RIF1: variants seen among roughly 807,000 people sequenced by gnomAD.
The protein encoded by RIF1 is telomere-associated protein RIF1.
In RIF1, 45 loss-of-function variants were observed where a neutral mutation model predicts 247.1. The ratio of observed to expected loss-of-function variants is 0.18; its 90% confidence interval spans 0.14 to 0.23. The LOEUF is 0.23. RIF1 is among the 10% of genes least tolerant of loss of function. RIF1 has a pLI of 1.00. For synonymous variants in RIF1, 1,087 were observed against 978.8 expected, an observed-to-expected ratio of 1.11 and a Z score of -2.06; for missense variants, 2,967 against 2,862.5, an observed-to-expected ratio of 1.04 and a Z score of -0.83.
intron 9 of RIF1, among the ~76,000 whole-genome samples, chr2:151,494,474 A>G (rs185065542): frequency 6.6e-6 from 1 of 152,272 alleles, no homozygotes; most frequent in East Asian, 1.9e-4. Flanking sequence ...GGACTGCAAG[A>G]GAGACCTGTG....
chr2:151,441,961 A>G lies in RIF1; in HGVS notation c.1704A>G (p.Ala568=), dbSNP rs1213634742. 9 of 1,561,148 alleles carry G rather than the reference A, an allele frequency of 5.8e-6. No homozygotes were observed. The highest frequency in any genetic ancestry group is 7.8e-6 in the Non-Finnish European group (9 of 1,147,302). The change falls in exon 16 of 36, where the codon GCA becomes GCG. Residue 568 remains alanine, a synonymous_variant. Coordinates refer to ENST00000444746, the MANE Select transcript of RIF1 (RefSeq NM_018151.5). The stretch of plus-strand genomic sequence containing the variant: ...CTCAGAAAGTATTAGGTTCACCAGC[A>G]TATCAGGTTGCTAATATGGATATTC... The part of the protein sequence containing the change: ...GLPQKVLGSP[A]YQVANMDILN...
intron 20 of RIF1, among the ~76,000 whole-genome samples, chr2:151,448,730 C>A (rs1693751055): frequency 6.6e-6 from 1 of 152,056 alleles, no homozygotes. Flanking sequence ...TATTTCTGTA[C>A]TTTATTATGT....
chr2:151,483,937 A>G (rs1220287136), downstream of RIF1, among the ~76,000 whole-genome samples: 1 of 152,246 alleles, frequency 6.6e-6, no homozygotes, highest in Non-Finnish European at 1.5e-5. Flanking sequence ...TGTCTTCCAC[A>G]AAACTGGTCC....
intron 13 of RIF1, 29 bp downstream of exon 13, chr2:151,437,380 A>G: frequency 6.5e-7 from 1 of 1,540,820 alleles, no homozygotes; most frequent in Admixed American, 1.7e-5. Flanking sequence ...TTATTTGCTC[A>G]AATGTGTGTT....
At chr2:151,497,058 A>AAAAC (rs760584399) in intron 10 of RIF1, 37 of 1,552,484 alleles carry the variant, frequency 2.4e-5, no homozygotes, top group African/African-American at 2.7e-5. Context: ...AGCAACCAGA[A>AAAAC]AAACAACCAT....
At chr2:151,430,398 T>C (rs186049274) in intron 9 of RIF1, among the ~76,000 whole-genome samples, 11 of 151,878 alleles carry the variant, frequency 7.2e-5, no homozygotes, top group African/African-American at 2.7e-4. Flanking sequence ...CTCAGCTCAC[T>C]GCAACCTCCG....
the RIF1 span, among the ~76,000 whole-genome samples, chr2:151,517,524 G>T: frequency 2.7e-4 from 41 of 152,280 alleles, no homozygotes; most frequent in African/African-American, 9.9e-4. Context: ...GTCATGAATT[G>T]CTTAACAACT....
In RIF1 at chr2:151,465,376, T is replaced by C. The variant is rs756019996; in HGVS notation, c.5856T>C (p.Ser1952=). 8.1e-5 allele frequency: 130 copies of C among 1,613,634 alleles called. 2 individuals carry two copies. Among genetic ancestry groups the C allele is most frequent in the Admixed American group, 1.0e-4 (6 of 59,940 alleles). Residue 1952 remains serine (S), a synonymous_variant, in exon 30 of 36, where the codon TCT becomes TCC. Coordinates refer to ENST00000444746, the MANE Select transcript of RIF1 (RefSeq NM_018151.5). The stretch of plus-strand genomic sequence containing the variant: ...AAGAAAATAAAAGAAATGATGACTC[T>C]GAAGCAGACACAGCTAAACTGAATG... The part of the protein sequence containing the change: ...AIEENKRNDD[S]EADTAKLNAK...
At chr2:151,485,917 A>G (rs374412508), downstream of RIF1, 10 of 1,613,890 alleles carry the variant, frequency 6.2e-6, no homozygotes, top group African/African-American at 2.7e-5. Flanking sequence ...ATAGTCATAC[A>G]TGGCACGGAA....
rs999394442 is a variant in RIF1 at position 151,441,843 on chromosome 2, C to CA, written c.1648-61dup. The CA allele has an allele frequency of 8.2e-6, 6 of 730,400 alleles. No individual in the cohort carries two copies. The Admixed American group carries it at 9.5e-5, about 12-fold the overall frequency. The allele number at this position is 730,400 out of a possible 1,614,324, so 45.2% of individuals were successfully genotyped here. A position where few individuals can be genotyped will look rare whatever the true frequency, so the allele number is the denominator to read the frequency against. On this transcript the variant is annotated intron_variant, in intron 15 of 35. Coordinates refer to ENST00000444746, the MANE Select transcript of RIF1 (RefSeq NM_018151.5). ...AATTGTTAGAGATATAGTTAACACT[C>CA]AGATTTTTATTAGATAATATTTTTA...
In RIF1 at chr2:151,475,556, A is replaced by G. The variant is rs2048887721; in HGVS notation, c.*485A>G. On this transcript the variant is annotated 3_prime_UTR_variant, in exon 36 of 36. Transcript: ENST00000444746. ...TTACTGGTTAAAAACCTCAAATGAA[A>G]TGCGAAAGAATTTGAATTTTTCCTG... 1 of 153,448 alleles carries G rather than the reference A, an allele frequency of 6.5e-6. No individual in the cohort carries two copies. The allele number at this position is 153,448 out of a possible 1,614,324, so 9.5% of individuals were successfully genotyped here. A position where few individuals can be genotyped will look rare whatever the true frequency, so the allele number is the denominator to read the frequency against.
At chr2:151,468,968 G>T (rs1405180269) in intron 33 of RIF1, among the ~76,000 whole-genome samples, 1 of 152,064 alleles carries the variant, frequency 6.6e-6, no homozygotes, top group Admixed American at 6.5e-5. Context: ...AATATTTCAG[G>T]TGCTGCATTG....
At position 151,463,863 on chromosome 2, in the gene RIF1, A is replaced by C. The variant is rs752747340; in HGVS notation, c.4343A>C (p.Glu1448Ala). The stretch of plus-strand genomic sequence containing the variant: ...AAAAAGGAACGACGTAAGGAAGAAG[A>C]AAAACCTCTTCAGAAGAGTCCATTG... Reference protein sequence around the residue: ...HQKKERRKEEEKPLQKSPLHI... With the variant: ...HQKKERRKEEAKPLQKSPLHI... The change falls in exon 30 of 36, where the codon GAA becomes GCA. Residue 1448 changes from glutamate (E) to alanine (A), a missense_variant. Transcript: ENST00000444746. 1 of 1,612,634 alleles carries C rather than the reference A, an allele frequency of 6.2e-7. No individual in the cohort carries two copies. Among genetic ancestry groups the C allele is most frequent in the Non-Finnish European group, 8.5e-7 (1 of 1,179,738 alleles).
downstream of RIF1, among the ~76,000 whole-genome samples, chr2:151,484,549 T>C (rs189288289): frequency 2.2e-4 from 33 of 152,294 alleles, no homozygotes; most frequent in East Asian, 6.0e-3. Flanking sequence ...TGAGTAGAGA[T>C]TGGGCCACTG....
Position 151,464,964 on chromosome 2 carries a change from A to T in RIF1, c.5444A>T (p.Glu1815Val). The T allele has an allele frequency of 6.4e-7, 1 of 1,573,338 alleles. No homozygotes were observed. Residue 1815 changes from glutamate (E) to valine (V), a missense_variant, in exon 30 of 36, where the codon GAA becomes GTA. Physicochemically the swap from Glu to Val is moderately radical, Grantham distance 121. Transcript: ENST00000444746. ...DTINDSLIVSETKSKENTMQE... is the reference protein window; with the variant it reads ...DTINDSLIVSVTKSKENTMQE... ...ATTAATGATTCATTAATTGTTTCTG[A>T]AACCAAATCAAAAGAAAACACTATG...
At chr2:151,431,066 T>C (rs990357046) in intron 9 of RIF1, among the ~76,000 whole-genome samples, 2 of 152,182 alleles carry the variant, frequency 1.3e-5, no homozygotes, top group African/African-American at 4.8e-5. Flanking sequence ...CTACAATCTT[T>C]AGGAATTAAG....
intron 4 of RIF1, among the ~76,000 whole-genome samples, chr2:151,416,038 T>A (rs576198220): frequency 1.3e-5 from 2 of 152,346 alleles, no homozygotes; most frequent in East Asian, 3.9e-4. Flanking sequence ...CAGAACCTAA[T>A]GCTTTCCAAG....
At chr2:151,496,156 C>T (rs976659312) in intron 10 of RIF1, 1 of 1,171,898 alleles carries the variant, frequency 8.5e-7, no homozygotes, top group Non-Finnish European at 1.2e-6. Flanking sequence ...GGTAAATTTG[C>T]TAAAGAAATT....
At chr2:151,495,737 TTAAG>T (rs113277889) in intron 10 of RIF1, among the ~76,000 whole-genome samples, 96,790 of 151,610 alleles carry the variant, frequency 0.64, 31,213 homozygotes, top group East Asian at 0.77. Flanking sequence ...ACTTTCATTT[TTAAG>T]TAAGTAAATT....
Sources: allele counts gnomAD v4.1 joint callset (sites outside exome capture counted in the v4.1 genomes callset), GRCh38; gene constraint gnomAD v4.1.1; transcripts MANE v1.5; gene names NCBI Gene and HGNC (gene_info 2026-07-23, HGNC 2026-07-21).